Variants in SCHIP1 observed in about 807,000 individuals in gnomAD.
SCHIP1 encodes schwannomin-interacting protein 1.
Under a neutral mutation model 29.7 loss-of-function variants are expected in SCHIP1, and 8 were observed. The observed-to-expected ratio is 0.27, with a 90% confidence interval of 0.16 to 0.49. The LOEUF (loss-of-function observed/expected upper bound fraction) is 0.49, where lower values mean the gene tolerates loss of function less well. SCHIP1 is among the 20% of genes least tolerant of loss of function. The probability of loss-of-function intolerance (pLI) is 0.99; values close to 1 mark genes in which losing one functional copy is unlikely to be tolerated. For synonymous variants in SCHIP1, 76 were observed against 94.9 expected (o/e 0.80, Z 1.16); for missense variants, 193 against 294.6 (o/e 0.66, Z 2.52).
chr3:159,493,652 G>A, the SCHIP1 span, among the ~76,000 whole-genome samples: 2 of 150,576 alleles, frequency 1.3e-5, no homozygotes, highest in African/African-American at 4.9e-5. Context: ...CAATAATAAT[G>A]GGAGACTTTA....
chr3:159,395,066 T>G, the SCHIP1 span, among the ~76,000 whole-genome samples: 2 of 152,232 alleles, frequency 1.3e-5, no homozygotes, highest in Non-Finnish European at 2.9e-5. Flanking sequence ...GTCGAGGAAT[T>G]TATCCATTTC....
the SCHIP1 span, among the ~76,000 whole-genome samples, chr3:159,422,038 G>C: frequency 7.9e-5 from 12 of 152,194 alleles, no homozygotes; most frequent in Admixed American, 2.0e-4. Context: ...TTATGTGAGA[G>C]TTGCATTATA....
chr3:159,529,549 A>G, the SCHIP1 span, among the ~76,000 whole-genome samples: 1 of 152,238 alleles, frequency 6.6e-6, no homozygotes, highest in African/African-American at 2.4e-5. Flanking sequence ...ACAATGTGTA[A>G]TAATCAAATC....
the SCHIP1 span, among the ~76,000 whole-genome samples, chr3:159,523,529 C>T: frequency 5.3e-4 from 80 of 151,968 alleles, 1 homozygote; most frequent in Admixed American, 2.0e-3. Context: ...AAAGAGGAAT[C>T]GATGTCTGAT....
chr3:159,597,125 C>T, the SCHIP1 span, among the ~76,000 whole-genome samples: 1 of 151,984 alleles, frequency 6.6e-6, no homozygotes, highest in Non-Finnish European at 1.5e-5. Flanking sequence ...AAACAAACAG[C>T]CCAGGGCATG....
At chr3:159,567,598 CCTGGATT>C in the SCHIP1 span, among the ~76,000 whole-genome samples, 7 of 152,066 alleles carry the variant, frequency 4.6e-5, no homozygotes, top group African/African-American at 1.7e-4. Context: ...ATATGTGTTT[CCTGGATT>C]CTTTAACCTC....
the SCHIP1 span, among the ~76,000 whole-genome samples, chr3:159,632,320 T>C: frequency 2.6e-5 from 4 of 152,158 alleles, no homozygotes; most frequent in African/African-American, 9.7e-5. Context: ...CACTTCTCCC[T>C]TGGAATGCAG....
chr3:159,696,465 T>G, the SCHIP1 span, among the ~76,000 whole-genome samples: 781 of 152,312 alleles, frequency 5.1e-3, 12 homozygotes, highest in African/African-American at 0.018. Context: ...GAACCCCACC[T>G]CCAACTTAGG....
the SCHIP1 span, among the ~76,000 whole-genome samples, chr3:159,404,533 G>A: frequency 6.6e-6 from 1 of 152,182 alleles, no homozygotes; most frequent in Non-Finnish European, 1.5e-5. Context: ...TGGTGGCCAT[G>A]AGGAGTGACT....
chr3:159,829,364 G>A, the SCHIP1 span, among the ~76,000 whole-genome samples: 3 of 151,974 alleles, frequency 2.0e-5, no homozygotes, highest in African/African-American at 2.4e-5. Context: ...TTATATGAGC[G>A]GCTAAACATC....
At chr3:159,301,085 A>G in the SCHIP1 span, among the ~76,000 whole-genome samples, 1 of 152,228 alleles carries the variant, frequency 6.6e-6, no homozygotes, top group Middle Eastern at 3.2e-3. Flanking sequence ...TACATAGTAC[A>G]TATATGTACA....
At chr3:159,542,707 A>G in the SCHIP1 span, among the ~76,000 whole-genome samples, 7 of 152,004 alleles carry the variant, frequency 4.6e-5, no homozygotes, top group Non-Finnish European at 2.9e-5. Flanking sequence ...GGGATGCTTA[A>G]TAAGTTATAT....
chr3:159,313,871 T>G, the SCHIP1 span, among the ~76,000 whole-genome samples: 1 of 152,184 alleles, frequency 6.6e-6, no homozygotes, highest in Admixed American at 6.6e-5. Context: ...TCAGGTATTT[T>G]GTAGAATGTC....
the SCHIP1 span, among the ~76,000 whole-genome samples, chr3:159,771,913 C>A: frequency 6.6e-6 from 1 of 152,188 alleles, no homozygotes; most frequent in East Asian, 1.9e-4. Flanking sequence ...TCAAGACATC[C>A]TCAGGAAAAT....
the SCHIP1 span, among the ~76,000 whole-genome samples, chr3:159,531,851 A>G: frequency 9.2e-5 from 14 of 152,224 alleles, no homozygotes; most frequent in Non-Finnish European, 5.9e-5. Context: ...GAGAGAATTA[A>G]TGAGCAAAAG....
At chr3:159,385,643 C>T in the SCHIP1 span, among the ~76,000 whole-genome samples, 1 of 148,474 alleles carries the variant, frequency 6.7e-6, no homozygotes, top group African/African-American at 2.5e-5. Context: ...AGGCAACAAA[C>T]ACTTGCCAAA....
At chr3:159,775,442 C>A in the SCHIP1 span, among the ~76,000 whole-genome samples, 2 of 152,202 alleles carry the variant, frequency 1.3e-5, no homozygotes, top group Non-Finnish European at 2.9e-5. Flanking sequence ...CATACCCCAG[C>A]TGATTGGGTC....
At chr3:159,789,127 A>G in the SCHIP1 span, among the ~76,000 whole-genome samples, 5 of 144,488 alleles carry the variant, frequency 3.5e-5, no homozygotes, top group Admixed American at 3.7e-4. Flanking sequence ...GTGTATCTAT[A>G]TATACAGAGA....
At chr3:159,415,843 A>G in the SCHIP1 span, among the ~76,000 whole-genome samples, 2 of 152,230 alleles carry the variant, frequency 1.3e-5, no homozygotes, top group African/African-American at 2.4e-5. Flanking sequence ...GTAAGTACTC[A>G]ATATTGTTAT....
Sources: gnomAD v4.1 joint callset for allele counts (sites outside exome capture counted in the v4.1 genomes callset) on GRCh38, gnomAD v4.1.1 for gene constraint, MANE v1.5 for transcripts, NCBI Gene and HGNC (gene_info 2026-07-23, HGNC 2026-07-21) for gene names.